The following SH2D7 variants were observed in gnomAD, a reference collection of about 807,000 sequenced individuals.
SH2D7 encodes SH2 domain containing 7.
In SH2D7, 32 loss-of-function variants were observed where a neutral mutation model predicts 40.8. That is an observed-to-expected ratio of 0.78 (90% CI 0.59 to 1.05). The LOEUF is 1.05. SH2D7 is among the 50% of genes least tolerant of loss of function. The pLI is 0.00. For synonymous variants in SH2D7, 195 were observed against 221.5 expected (o/e 0.88, Z 1.06); for missense variants, 559 against 566.6 (o/e 0.99, Z 0.14).
At chr15:78,101,687 C>A in intron 5 of SH2D7, 129 bp downstream of exon 5, 1 of 1,141,430 alleles carries the variant, frequency 8.8e-7, no homozygotes, top group South Asian at 1.7e-5. Flanking sequence ...CAGAATTTTC[C>A]AGCCCTAATA....
chr15:78,103,430 G>T, intron 5 of SH2D7, 35 bp from the exon 6 acceptor site: 2 of 1,551,508 alleles, frequency 1.3e-6, no homozygotes, highest in South Asian at 2.4e-5. Context: ...CCTGTCCAGC[G>T]ACCCCAGGCC....
chr15:78,093,549 C>G (rs1001000405), intron 1 of SH2D7, among the ~76,000 whole-genome samples: 2 of 152,258 alleles, frequency 1.3e-5, no homozygotes, highest in Non-Finnish European at 2.9e-5. Flanking sequence ...AACTTTTCTT[C>G]ATGCCTCCAA....
At chr15:78,096,162 A>C (rs1213549518) in intron 2 of SH2D7, among the ~76,000 whole-genome samples, 1 of 152,270 alleles carries the variant, frequency 6.6e-6, no homozygotes, top group East Asian at 1.9e-4. Context: ...AATTTTTATA[A>C]TTCTTATAAA....
At chr15:78,100,769 AC>A in intron 4 of SH2D7, 129 bp from the exon 5 acceptor site, 1 of 967,562 alleles carries the variant, frequency 1.0e-6, no homozygotes, top group Non-Finnish European at 1.5e-6. Flanking sequence ...CATGTATCCA[AC>A]CCTTGCATGT....
chr15:78,101,420 T>A lies in SH2D7; in HGVS notation c.1167T>A (p.His389Gln). ...GGGGTGGCCCAGCCAGGGCCCCACA[T>A]CCTGGGGCCAGTCCCACATATAGCC... ...ACWGGPARAPHPGASPTYSPW... is the reference protein window; with the variant it reads ...ACWGGPARAPQPGASPTYSPW... The change falls in exon 5 of 6, where the codon CAT becomes CAA. Residue 389 changes from histidine (H) to glutamine (Q), a missense_variant. Coordinates refer to ENST00000328828, the MANE Select transcript of SH2D7 (RefSeq NM_001101404.2). 1.2e-6 allele frequency: 2 copies of A among 1,613,284 alleles called. No homozygotes were observed. The highest frequency in any genetic ancestry group is 1.7e-6 in the Non-Finnish European group (2 of 1,179,644).
At chr15:78,098,143 G>A in intron 3 of SH2D7, 49 bp downstream of exon 3, 1 of 1,536,186 alleles carries the variant, frequency 6.5e-7, no homozygotes, top group Non-Finnish European at 8.8e-7. Flanking sequence ...AGAGAGCCCA[G>A]GCCTGGGGTA....
chr15:78,090,944 A>G (rs1272289108), upstream of SH2D7, among the ~76,000 whole-genome samples: 1 of 152,156 alleles, frequency 6.6e-6, no homozygotes, highest in African/African-American at 2.4e-5. Context: ...TCAACCCACC[A>G]ACCAGATCAA....
Position 78,098,556 on chromosome 15 carries a change from A to T in SH2D7, c.605A>T (p.Asp202Val), listed in dbSNP as rs1474357739. The T allele has an allele frequency of 4.3e-6, 7 of 1,613,828 alleles. No individual in the cohort carries two copies. The Admixed American group carries it at 1.2e-4, about 27-fold the overall frequency. The change falls in exon 4 of 6, where the codon GAT becomes GTT. Residue 202 changes from aspartate (D) to valine (V), a missense_variant. Physicochemically the swap from Asp to Val is radical, Grantham distance 152. Coordinates refer to ENST00000328828, the MANE Select transcript of SH2D7 (RefSeq NM_001101404.2). ...TTCCTCCATGCACAGAAAAGCCTGG[A>T]TGTGAGTCCCCGGAACCTCTCCCAG... is the stretch of plus-strand genomic sequence containing the variant. ...VSFLHAQKSLDVSPRNLSQEE... is the reference protein window; with the variant it reads ...VSFLHAQKSLVVSPRNLSQEE...
rs538263543 is a variant in SH2D7 at position 78,101,564 on chromosome 15, C to T, written c.1305+6C>T. 4 of 1,566,440 alleles carry T rather than the reference C, an allele frequency of 2.6e-6. No individual in the cohort carries two copies. In the East Asian group the frequency reaches 6.7e-5, roughly 26 times the overall value. ...AGACTGGACGGACACACAAGGTGAG[C>T]TCCATGATGGGGTGGGGCGGCTCCC... is the stretch of plus-strand genomic sequence containing the variant. On this transcript the variant is annotated splice_donor_region_variant and intron_variant, in intron 5 of 5. Coordinates refer to ENST00000328828, the MANE Select transcript of SH2D7 (RefSeq NM_001101404.2).
intron 2 of SH2D7, among the ~76,000 whole-genome samples, chr15:78,097,352 T>C (rs1209746102): frequency 6.6e-6 from 1 of 152,080 alleles, no homozygotes; most frequent in Non-Finnish European, 1.5e-5. Context: ...CATCACTGTG[T>C]AGAGGTTATT....
Position 78,094,163 on chromosome 15 carries a change from C to A in SH2D7, c.228C>A (p.Arg76=), listed in dbSNP as rs370932958. 2.5e-6 allele frequency: 4 copies of A among 1,609,048 alleles called. No individual in the cohort carries two copies. Among genetic ancestry groups the A allele is most frequent in the Non-Finnish European group, 3.4e-6 (4 of 1,178,046 alleles). The change falls in exon 2 of 6, where the codon CGC becomes CGA. Residue 76 remains arginine, a synonymous_variant. Transcript: ENST00000328828. ...RDKALGSFLI[R]LSDRATGYIL... is the part of the protein sequence containing the mutation. ...AAGCTCTTGGTTCCTTCCTTATCCGCCTCAGTGACCGAGCCACTGGCTACA... is the reference window on the plus strand; with the variant it reads ...AAGCTCTTGGTTCCTTCCTTATCCGACTCAGTGACCGAGCCACTGGCTACA...
intron 3 of SH2D7, 92 bp downstream of exon 3, chr15:78,098,186 T>C (rs1412285865): frequency 6.8e-7 from 1 of 1,465,520 alleles, no homozygotes; most frequent in African/African-American, 1.4e-5. Flanking sequence ...TTTCAAGCCC[T>C]CCCTATTTAC....
At chr15:78,098,191 A>G in intron 3 of SH2D7, 97 bp downstream of exon 3, 1 of 1,455,878 alleles carries the variant, frequency 6.9e-7, no homozygotes, top group Non-Finnish European at 9.1e-7. Context: ...AGCCCTCCCT[A>G]TTTACTATCA....
intron 2 of SH2D7, among the ~76,000 whole-genome samples, chr15:78,096,191 G>C (rs1321630868): frequency 6.6e-6 from 1 of 152,100 alleles, no homozygotes; most frequent in Non-Finnish European, 1.5e-5. Flanking sequence ...ATTAAGAGAA[G>C]AAAAAGGTCA....
At chr15:78,092,879 C>A in intron 1 of SH2D7, 119 bp downstream of exon 1, 2 of 1,264,664 alleles carry the variant, frequency 1.6e-6, no homozygotes, top group South Asian at 3.3e-5. Flanking sequence ...GGCAGGGGCC[C>A]TTGGAGGCGG....
At chr15:78,098,709 G>A (rs1269593875) in intron 4 of SH2D7, 113 bp downstream of exon 4, 1 of 1,281,146 alleles carries the variant, frequency 7.8e-7, no homozygotes, top group African/African-American at 1.5e-5. Flanking sequence ...GCTGTGGAGG[G>A]TGAGCCAGGC....
intron 5 of SH2D7, among the ~76,000 whole-genome samples, chr15:78,102,397 C>T (rs2074023875): frequency 6.6e-6 from 1 of 152,176 alleles, no homozygotes; most frequent in Admixed American, 6.5e-5. Flanking sequence ...CCTCCATTTC[C>T]TCATCTGTAA....
chr15:78,102,760 C>CA (rs2074025706), intron 5 of SH2D7, among the ~76,000 whole-genome samples: 1 of 151,914 alleles, frequency 6.6e-6, no homozygotes, highest in African/African-American at 2.4e-5. Context: ...TCAGGGTTCT[C>CA]AGGGAGGCAG....
At chr15:78,101,634 C>T in intron 5 of SH2D7, 76 bp downstream of exon 5, 1 of 1,454,560 alleles carries the variant, frequency 6.9e-7, no homozygotes, top group East Asian at 2.4e-5. Context: ...CTGAAGCCCC[C>T]AGGCATAGGC....
Sources: gnomAD v4.1 joint callset for allele counts (sites outside exome capture counted in the v4.1 genomes callset) on GRCh38, gnomAD v4.1.1 for gene constraint, MANE v1.5 for transcripts, NCBI Gene and HGNC (gene_info 2026-07-23, HGNC 2026-07-21) for gene names.